Variants in NDUFB1 observed in about 807,000 individuals in gnomAD.
NDUFB1 encodes the protein NADH:ubiquinone oxidoreductase subunit B1.
A neutral mutation model predicts 6.7 loss-of-function variants in NDUFB1; 6 were observed. The observed-to-expected ratio is 0.89, with a 90% CI of 0.49 to 1.76. NDUFB1 has a LOEUF of 1.76. Ranked by LOEUF, NDUFB1 falls within the 40% of genes most tolerant of loss-of-function variation. The probability of loss-of-function intolerance (pLI) is 0.01; values close to 1 mark genes in which losing one functional copy is unlikely to be tolerated. For missense variants in NDUFB1, 56 were observed against 71.0 expected (o/e 0.79, Z 0.76); for synonymous variants, 17 against 22.9 (o/e 0.74, Z 0.74).
rs1567012527 is a variant in NDUFB1 at position 92,121,677 on chromosome 14, A to AGGGCAACAGGGAACTCAACCC, written c.-62_-42dup. 6.2e-7 allele frequency: 1 copy of AGGGCAACAGGGAACTCAACCC among 1,613,366 alleles called. No individual in the cohort carries two copies. ...AGCGCCTACAGCGACCCCGAGACCA[A>AGGGCAACAGGGAACTCAACCC]GGGCAACAGGGAACTCAACCCGCGC... is the stretch of plus-strand genomic sequence containing the variant. On this transcript the variant is annotated 5_prime_UTR_variant, in exon 1 of 3. Coordinates refer to ENST00000605997, the MANE Select transcript of NDUFB1 (RefSeq NM_004545.4).
chr14:92,118,222 G>C (rs1191316852), intron 1 of NDUFB1: 1 of 153,550 alleles, frequency 6.5e-6, no homozygotes, highest in Non-Finnish European at 1.4e-5. Flanking sequence ...GATGTGATAC[G>C]ATACAGAGCA....
In NDUFB1 at chr14:92,116,335, T is replaced by TTTC. The variant is rs1555412610; in HGVS notation, c.141-107_141-106insGAA. The TTTC allele has an allele frequency of 4.6e-3, 3,580 of 781,998 alleles. 107 individuals are homozygous for TTTC. The African/African-American group carries it at 0.062, about 14-fold the overall frequency. 48.4% of individuals were successfully genotyped at this position (781,998 alleles called of 1,614,324 possible). On this transcript the variant is annotated intron_variant, in intron 2 of 2. Transcript: ENST00000605997. ...ATGATTGCAATATTTCATTTTCTTT[T>TTTC]TTTTTTTTTTTTTTTTGAGACGAAG... is the stretch of plus-strand genomic sequence containing the variant.
At chr14:92,121,290 G>A (rs1459425357) in intron 1 of NDUFB1, 2 of 415,748 alleles carry the variant, frequency 4.8e-6, no homozygotes, top group Non-Finnish European at 8.9e-6. Flanking sequence ...TTGGACGAAT[G>A]TAAGCTGCTC....
chr14:92,117,723 T>C (rs1405111433), intron 1 of NDUFB1, 81 bp from the exon 2 acceptor site: 1 of 1,394,570 alleles, frequency 7.2e-7, no homozygotes, highest in Non-Finnish European at 9.9e-7. Flanking sequence ...CTGGGCCAGG[T>C]GCGGTGGTTC....
At chr14:92,121,453 G>T in intron 1 of NDUFB1, 189 bp downstream of exon 1, 1 of 851,570 alleles carries the variant, frequency 1.2e-6, no homozygotes, top group Non-Finnish European at 1.8e-6. Flanking sequence ...CAAAAGCTCC[G>T]GCCCGGAAAT....
chr14:92,117,291 C>T (rs926199603), intron 2 of NDUFB1, among the ~76,000 whole-genome samples: 1 of 150,978 alleles, frequency 6.6e-6, no homozygotes, highest in African/African-American at 2.4e-5. Context: ...CCTGAAACAG[C>T]CTATTCATTA....
At position 92,121,623 on chromosome 14, in the gene NDUFB1, C is replaced by T. The variant is rs772252753; in HGVS notation, c.-6+19G>A. 6.2e-7 allele frequency: 1 copy of T among 1,612,516 alleles called. No individual in the cohort carries two copies. The highest frequency in any genetic ancestry group is 8.5e-7 in the Non-Finnish European group (1 of 1,179,738). ...CCGTGATCCTCGTCGCGGCGGCCCC[C>T]CGGGCTCCCCAAACCCACCTGCAGC... On this transcript the variant is annotated intron_variant, in intron 1 of 2. Transcript: ENST00000605997.
chr14:92,116,801 C>T (rs2068720788), intron 2 of NDUFB1, among the ~76,000 whole-genome samples: 1 of 152,160 alleles, frequency 6.6e-6, no homozygotes, highest in Non-Finnish European at 1.5e-5. Context: ...AAGCTATTAT[C>T]TCTGCTCAGT....
At chr14:92,120,110 T>C (rs1164500425) in intron 1 of NDUFB1, among the ~76,000 whole-genome samples, 1 of 152,174 alleles carries the variant, frequency 6.6e-6, no homozygotes, top group Non-Finnish European at 1.5e-5. Flanking sequence ...ATAGTTGGAT[T>C]GCCAATTTTC....
chr14:92,121,364 C>T (rs1389548369), intron 1 of NDUFB1: 1 of 548,502 alleles, frequency 1.8e-6, no homozygotes. Flanking sequence ...GGTCTTCTCT[C>T]CAGTCCGGTT....
At position 92,121,628 on chromosome 14, in the gene NDUFB1, C is replaced by T. The variant is rs200636433; in HGVS notation, c.-6+14G>A. On this transcript the variant is annotated intron_variant, in intron 1 of 2. Transcript: ENST00000605997. ...ATCCTCGTCGCGGCGGCCCCCCGGG[C>T]TCCCCAAACCCACCTGCAGCCTCAG... is the stretch of plus-strand genomic sequence containing the variant. The T allele has an allele frequency of 1.5e-4, 247 of 1,612,600 alleles. No homozygotes were observed. In the East Asian group the frequency reaches 2.2e-3, roughly 14 times the overall value.
chr14:92,120,658 G>T (rs150790069), intron 1 of NDUFB1, among the ~76,000 whole-genome samples: 4,123 of 79,384 alleles, frequency 0.052, 234 homozygotes, highest in African/African-American at 0.2. Context: ...CCGTTCAAGT[G>T]ATTTTCTTGC....
rs2068765615 is a variant in NDUFB1 at position 92,121,626 on chromosome 14, G to C, written c.-6+16C>G. 6.2e-7 allele frequency: 1 copy of C among 1,612,244 alleles called. No individual in the cohort carries two copies. Among genetic ancestry groups the C allele is most frequent in the East Asian group, 2.2e-5 (1 of 44,814 alleles). On this transcript the variant is annotated intron_variant, in intron 1 of 2. Transcript: ENST00000605997. ...TGATCCTCGTCGCGGCGGCCCCCCG[G>C]GCTCCCCAAACCCACCTGCAGCCTC...
In NDUFB1 at chr14:92,117,618, A is replaced by G. The variant is rs1270057513; in HGVS notation, c.20T>C (p.Ile7Thr). The G allele has an allele frequency of 1.1e-5, 17 of 1,613,960 alleles. No homozygotes were observed. Among genetic ancestry groups the G allele is most frequent in the Non-Finnish European group, 1.4e-5 (16 of 1,180,018 alleles). ...AACATGAACCCAGTGGTCCCGCACA[A>G]TCTGAAGTAAGTTCACCATGATAGC... Reference protein sequence around the residue: MVNLLQIVRDHWVHVLV... With the variant: MVNLLQTVRDHWVHVLV... Residue 7 changes from isoleucine (I) to threonine (T), a missense_variant, in exon 2 of 3, where the codon ATT becomes ACT. Physicochemically the swap from Ile to Thr is moderately conservative, Grantham distance 89. Transcript: ENST00000605997.
chr14:92,117,854 C>T (rs375979644), intron 1 of NDUFB1: 13 of 513,300 alleles, frequency 2.5e-5, no homozygotes, highest in Middle Eastern at 5.5e-4. Flanking sequence ...AAAAATTAGC[C>T]GGGTGTGGTG....
intron 1 of NDUFB1, among the ~76,000 whole-genome samples, chr14:92,119,169 G>A (rs187276144): frequency 1.2e-4 from 18 of 152,014 alleles, no homozygotes; most frequent in African/African-American, 3.9e-4. Flanking sequence ...AAAATTAGCT[G>A]GGTGTGGTAG....
chr14:92,120,132 G>A (rs889617633), intron 1 of NDUFB1, among the ~76,000 whole-genome samples: 1 of 152,102 alleles, frequency 6.6e-6, no homozygotes, highest in African/African-American at 2.4e-5. Context: ...GTAAAAATTC[G>A]TGCATACAGA....
At chr14:92,121,437 C>T (rs1301769075) in intron 1 of NDUFB1, 5 of 758,866 alleles carry the variant, frequency 6.6e-6, no homozygotes, top group Non-Finnish European at 8.3e-6. Flanking sequence ...CTCAGAAAAC[C>T]CTTTCCAAAA....
intron 1 of NDUFB1, chr14:92,120,201 TAAG>T (rs2141439618): frequency 6.6e-6 from 1 of 152,292 alleles, no homozygotes; most frequent in East Asian, 1.9e-4. Flanking sequence ...GTACAATGAC[TAAG>T]AAGACATATG....
Sources: gnomAD v4.1 joint callset for allele counts (sites outside exome capture counted in the v4.1 genomes callset) on GRCh38, gnomAD v4.1.1 for gene constraint, MANE v1.5 for transcripts, NCBI Gene and HGNC (gene_info 2026-07-23, HGNC 2026-07-21) for gene names.